The following ZNF568 variants were observed in gnomAD, a reference collection of about 807,000 sequenced individuals.
ZNF568 encodes the protein zinc finger protein 568, also known as p53 inhibitor of SCO2 activation.
ZNF568 carries 11 observed loss-of-function variants against 18.1 expected under a neutral mutation model. That is an observed-to-expected ratio of 0.61 (90% CI 0.38 to 1.00). The LOEUF (loss-of-function observed/expected upper bound fraction) is 1.00, where lower values mean the gene tolerates loss of function less well. Among genes scored for constraint, ZNF568 ranks in the 50% least tolerant of loss-of-function variants. The pLI, the probability that ZNF568 is intolerant of heterozygous loss-of-function variation, is 0.01. For missense variants in ZNF568, 639 were observed against 768.2 expected (o/e 0.83, Z 1.99); for synonymous variants, 213 against 246.6 (o/e 0.86, Z 1.28).
chr19:36,991,776 G>C (rs2074426209), exon 4 of ZNF568: 1 of 1,579,210 alleles, frequency 6.3e-7, no homozygotes, highest in Non-Finnish European at 8.5e-7. Context: ...AGCCAAATGT[G>C]ATCTCCTTAT....
At chr19:36,979,116 T>C in exon 8 of ZNF568, 1 of 252,378 alleles carries the variant, frequency 4.0e-6, no homozygotes, top group Non-Finnish European at 7.8e-6. Flanking sequence ...CCCGAGTAGC[T>C]GGGATTACAG....
chr19:36,975,496 C>T (rs2074276099), intron 7 of ZNF568, among the ~76,000 whole-genome samples: 1 of 151,942 alleles, frequency 6.6e-6, no homozygotes, highest in Non-Finnish European at 1.5e-5. Flanking sequence ...AGCGATTCTC[C>T]TGCCTCAGCC....
chr19:36,997,073 G>A (rs16971886), exon 5 of ZNF568: 557,315 of 1,566,038 alleles, frequency 0.36, 101,825 homozygotes, highest in Non-Finnish European at 0.37. Flanking sequence ...AAGGCTTTTC[G>A]TTATGACACA....
intron 4 of ZNF568, among the ~76,000 whole-genome samples, chr19:36,926,434 C>T (rs532280244): frequency 1.3e-5 from 2 of 152,078 alleles, no homozygotes; most frequent in Non-Finnish European, 2.9e-5. Context: ...CCTCTCTGGC[C>T]CTCGACAGGC....
At position 36,949,820 on chromosome 19, in the gene ZNF568, A is replaced by G; in HGVS notation, c.667A>G (p.Lys223Glu). 1 of 1,614,016 alleles carries G rather than the reference A, an allele frequency of 6.2e-7. No individual in the cohort carries two copies. Among genetic ancestry groups the G allele is most frequent in the Non-Finnish European group, 8.5e-7 (1 of 1,179,948 alleles). The part of the protein sequence containing the change: ...HCASYVVTPF[K>E]CNQCGQDFSH... ...TGCATCCTATGTTGTAACCCCCTTT[A>G]AGTGTAATCAGTGTGGACAAGACTT... Residue 223 changes from lysine to glutamate, a missense_variant, in exon 7 of 7, where the codon AAG becomes GAG. Physicochemically the swap from Lys to Glu is moderately conservative, Grantham distance 56 (BLOSUM62 1). Coordinates refer to ENST00000333987, the MANE Select transcript of ZNF568 (RefSeq NM_198539.4).
intron 4 of ZNF568, among the ~76,000 whole-genome samples, chr19:36,927,482 C>T (rs1370687268): frequency 2.0e-5 from 3 of 151,970 alleles, no homozygotes; most frequent in African/African-American, 7.2e-5. Flanking sequence ...GTGATGCCAC[C>T]TTTACTGTAT....
intron 6 of ZNF568, among the ~76,000 whole-genome samples, chr19:36,973,009 G>A (rs1391345939): frequency 1.3e-5 from 2 of 152,238 alleles, no homozygotes; most frequent in African/African-American, 4.8e-5. Flanking sequence ...TGTTTGCCCA[G>A]TTCCTGGGAG....
intron 4 of ZNF568, among the ~76,000 whole-genome samples, chr19:36,927,582 A>G (rs1302460396): frequency 3.3e-5 from 5 of 151,264 alleles, no homozygotes; most frequent in African/African-American, 1.2e-4. Flanking sequence ...TGTGTGTTTT[A>G]CATTGGTTTA....
chr19:36,961,293 ACT>A (rs2074147853), intron 6 of ZNF568, among the ~76,000 whole-genome samples: 7 of 81,908 alleles, frequency 8.5e-5, no homozygotes, highest in African/African-American at 3.9e-4. Flanking sequence ...TTTTTTTTTA[ACT>A]CTTTTTGACT....
Position 36,916,366 on chromosome 19 carries a change from G to C in ZNF568, c.-481G>C, listed in dbSNP as rs1265215616. ...GGAAACGTCGCTGGCGCGGAGGGAT[G>C]GTTCGGCGCTTTAGGCGTCTGTCAC... On this transcript the variant is annotated 5_prime_UTR_variant, in exon 1 of 7. The change abolishes an upstream ATG in the 5' untranslated region. Coordinates refer to ENST00000333987, the MANE Select transcript of ZNF568 (RefSeq NM_198539.4). The surrounding 1 kb of genome is among the most constrained non-coding windows in gnomAD (Gnocchi z 5.3). The C allele has an allele frequency of 6.2e-6, 1 of 160,190 alleles. No homozygotes were observed. The highest frequency in any genetic ancestry group is 2.4e-5 in the African/African-American group (1 of 41,780). 9.9% of individuals were successfully genotyped at this position (160,190 alleles called of 1,614,324 possible).
At chr19:36,937,280 C>A (rs540588169) in intron 6 of ZNF568, 38 bp downstream of exon 6, 1 of 1,557,318 alleles carries the variant, frequency 6.4e-7, no homozygotes, top group Admixed American at 1.7e-5. Flanking sequence ...GAGAAAGCCA[C>A]ATGAGAGTTG....
rs1264668902 is a variant in ZNF568 at position 36,970,155 on chromosome 19, C to T, written c.359-4265C>T. 1.1e-4 allele frequency among the ~76,000 whole-genome samples: 14 copies of T among 124,806 alleles called. 3 individuals carry two copies. Among genetic ancestry groups the T allele is most frequent in the Admixed American group, 9.8e-4 (12 of 12,186 alleles). The allele number at this position is 124,806 out of a possible 152,430, so 81.9% of individuals were successfully genotyped here. A position where few individuals can be genotyped will look rare whatever the true frequency, so the allele number is the denominator to read the frequency against. On this transcript the variant is annotated intron_variant, in intron 6 of 7. Coordinates refer to the ZNF568 transcript ENST00000427117. ...CAGGTTCTGGGGGTTAGGATTTGAA[C>T]GTCTTGGGGCATTATTCTACCACTT...
chr19:36,927,844 A>ATGTGTGTGTGTGTG (rs367925001), intron 4 of ZNF568, among the ~76,000 whole-genome samples: 18 of 83,834 alleles, frequency 2.1e-4, no homozygotes, highest in East Asian at 2.0e-3. Flanking sequence ...ATAAAGATAT[A>ATGTGTGTGTGTGTG]TGTGTGTGTG....
intron 6 of ZNF568, among the ~76,000 whole-genome samples, chr19:36,971,966 C>G (rs1247152394): frequency 6.6e-6 from 1 of 151,266 alleles, no homozygotes; most frequent in Non-Finnish European, 1.5e-5. Context: ...TCCTGAGTAG[C>G]TGGGACTACA....
intron 7 of ZNF568, among the ~76,000 whole-genome samples, chr19:36,977,651 A>T (rs945262726): frequency 2.6e-5 from 4 of 151,994 alleles, no homozygotes; most frequent in African/African-American, 9.7e-5. Flanking sequence ...AGATCACCAC[A>T]CCCTCCCCGT....
intron 7 of ZNF568, among the ~76,000 whole-genome samples, chr19:36,975,888 G>T (rs535391100): frequency 6.6e-6 from 1 of 151,356 alleles, no homozygotes; most frequent in East Asian, 2.0e-4. Context: ...TAGAGATGGG[G>T]TTTCACCATG....
Position 36,922,641 on chromosome 19 carries a change from C to T in ZNF568, c.-130C>T. The T allele has an allele frequency of 1.7e-6, 1 of 603,074 alleles. No individual in the cohort carries two copies. Among genetic ancestry groups the T allele is most frequent in the Non-Finnish European group, 2.9e-6 (1 of 342,710 alleles). 37.4% of individuals were successfully genotyped at this position (603,074 alleles called of 1,614,324 possible). ...GCAGTGCAAATAGAAGTCTGAGGAA[C>T]AGGTGTCTTATCATGGAAGGAGACC... On this transcript the variant is annotated 5_prime_UTR_variant, in exon 3 of 7. Transcript: ENST00000333987.
At chr19:36,948,439 T>C (rs911436309) in intron 6 of ZNF568, among the ~76,000 whole-genome samples, 13 of 152,190 alleles carry the variant, frequency 8.5e-5, no homozygotes, top group African/African-American at 3.1e-4. Flanking sequence ...GTGCAGATTT[T>C]TGTATGGACA....
At chr19:36,924,271 T>C (rs2073508318) in intron 3 of ZNF568, among the ~76,000 whole-genome samples, 1 of 151,718 alleles carries the variant, frequency 6.6e-6, no homozygotes, top group African/African-American at 2.4e-5. Flanking sequence ...CAGGCTGGAG[T>C]GCAGTGGTGT....
Sources: gnomAD v4.1 joint callset for allele counts (sites outside exome capture counted in the v4.1 genomes callset) on GRCh38, gnomAD v4.1.1 for gene constraint, Gnocchi (gnomAD v3.1) non-coding constraint, MANE v1.5 for transcripts, NCBI Gene and HGNC (gene_info 2026-07-23, HGNC 2026-07-21) for gene names.